SMARCA1: variants seen among roughly 807,000 people sequenced by gnomAD.
The protein encoded by SMARCA1 is SNF2 related chromatin remodeling ATPase 1, also known as SWI/SNF-related matrix-associated actin-dependent regulator of chromatin subfamily A member 1.
In SMARCA1, 17 loss-of-function variants were observed where a neutral mutation model predicts 93.6. The observed-to-expected ratio is 0.18, with a 90% confidence interval of 0.12 to 0.27. The LOEUF (loss-of-function observed/expected upper bound fraction) is 0.27, where lower values mean the gene tolerates loss of function less well. Ranked by LOEUF, SMARCA1 falls within the 10% of genes least tolerant of loss-of-function variation. The pLI, the probability that SMARCA1 is intolerant of heterozygous loss-of-function variation, is 1.00. For missense variants in SMARCA1, 630 were observed against 819.0 expected (o/e 0.77, Z 2.82); for synonymous variants, 271 against 271.4 (o/e 1.00, Z 0.01).
chrX:129,446,990 TAAAGCTACACATTTCAGGTAG>T lies in SMARCA1; in HGVS notation c.*151_*171del. 1 of 416,240 alleles carries T rather than the reference TAAAGCTACACATTTCAGGTAG, an allele frequency of 2.4e-6. No individual in the cohort carries two copies. 34.3% of individuals were successfully genotyped at this position (416,240 alleles called of 1,213,427 possible). On this transcript the variant is annotated 3_prime_UTR_variant, in exon 25 of 25. Coordinates refer to ENST00000371121, the MANE Select transcript of SMARCA1 (RefSeq NM_001282874.2). ...AAAAATACTAGAATGCCATAAAATA[TAAAGCTACACATTTCAGGTAG>T]AAAGCATTGTAAAATATATAAAATA... is the stretch of plus-strand genomic sequence containing the variant.
At chrX:129,519,198 C>T (rs1935306324) in intron 1 of SMARCA1, among the ~76,000 whole-genome samples, 1 of 111,416 alleles carries the variant, frequency 9.0e-6, no homozygotes, top group Non-Finnish European at 1.9e-5. Flanking sequence ...TAGAGATTAT[C>T]TGGGGAAGGG....
At chrX:129,462,535 A>G (rs1303578019) in intron 23 of SMARCA1, among the ~76,000 whole-genome samples, 1 of 112,006 alleles carries the variant, frequency 8.9e-6, no homozygotes, top group Admixed American at 9.5e-5. Flanking sequence ...TTTATACTCT[A>G]AATCCAGAAT....
intron 6 of SMARCA1, 47 bp from the exon 7 acceptor site, chrX:129,508,143 A>G (rs1934891855): frequency 1.3e-6 from 1 of 742,726 alleles, no homozygotes. Context: ...TTATATTAGA[A>G]TATGTTATAA....
chrX:129,520,636 A>T (rs1935355084), intron 1 of SMARCA1, among the ~76,000 whole-genome samples: 1 of 110,523 alleles, frequency 9.0e-6, no homozygotes, highest in Non-Finnish European at 1.9e-5. Flanking sequence ...GCAGAAACCA[A>T]GGACGAAAAT....
At chrX:129,516,853 A>G (rs780955295) in intron 2 of SMARCA1, among the ~76,000 whole-genome samples, 1 of 112,068 alleles carries the variant, frequency 8.9e-6, no homozygotes, top group African/African-American at 3.2e-5. Context: ...TTTCCAAAAC[A>G]TCATTTTATT....
chrX:129,481,856 TTGC>T (rs762203120), intron 17 of SMARCA1, among the ~76,000 whole-genome samples: 250 of 110,788 alleles, frequency 2.3e-3, no homozygotes, highest in African/African-American at 7.7e-3. Flanking sequence ...AATATAAATC[TTGC>T]TGCTATGAAG....
At chrX:129,511,756 G>A in intron 6 of SMARCA1, 48 bp downstream of exon 6, 1 of 1,013,165 alleles carries the variant, frequency 9.9e-7, no homozygotes, top group African/African-American at 1.9e-5. Flanking sequence ...CTAAACTCCA[G>A]AAATGATATT....
At chrX:129,454,481 A>T (rs1932491986) in intron 23 of SMARCA1, among the ~76,000 whole-genome samples, 1 of 112,095 alleles carries the variant, frequency 8.9e-6, no homozygotes, top group African/African-American at 3.2e-5. Flanking sequence ...ACAGCAAAAG[A>T]AACTATCATC....
intron 19 of SMARCA1, among the ~76,000 whole-genome samples, chrX:129,478,932 T>C (rs1209601335): frequency 9.0e-6 from 1 of 111,470 alleles, no homozygotes; most frequent in East Asian, 2.8e-4. Context: ...AACATCTGAA[T>C]ACTGAGAAAC....
intron 5 of SMARCA1, among the ~76,000 whole-genome samples, chrX:129,514,913 G>A (rs946793218): frequency 1.8e-5 from 2 of 110,849 alleles, no homozygotes; most frequent in Non-Finnish European, 3.8e-5. Context: ...AGCCGGACGT[G>A]GTGGCAGGCG....
At chrX:129,520,461 C>T (rs1423071729) in intron 1 of SMARCA1, among the ~76,000 whole-genome samples, 3 of 111,237 alleles carry the variant, frequency 2.7e-5, no homozygotes, top group Non-Finnish European at 3.8e-5. Context: ...TTCTCATCTA[C>T]TGTATTCATC....
At chrX:129,516,168 AT>A (rs2124346546) in intron 3 of SMARCA1, among the ~76,000 whole-genome samples, 162 bp downstream of exon 3, 1 of 112,450 alleles carries the variant, frequency 8.9e-6, no homozygotes, top group Admixed American at 9.4e-5. Flanking sequence ...TGAGAAAAAA[AT>A]ATAGTTGTCT....
At chrX:129,490,230 C>G (rs1934069243) in intron 14 of SMARCA1, 38 bp from the exon 15 acceptor site, 3 of 1,054,192 alleles carry the variant, frequency 2.8e-6, no homozygotes, top group Non-Finnish European at 3.8e-6. Context: ...ATTGGATATT[C>G]TGGATAAAAT....
intron 23 of SMARCA1, among the ~76,000 whole-genome samples, chrX:129,455,308 A>T (rs976020319): frequency 2.7e-5 from 3 of 111,095 alleles, no homozygotes; most frequent in African/African-American, 3.3e-5. Flanking sequence ...CTTTGCAGGG[A>T]CATAGATGAA....
intron 5 of SMARCA1, 65 bp from the exon 6 acceptor site, chrX:129,512,048 G>GTTGTTCCT: frequency 2.3e-6 from 2 of 880,221 alleles, no homozygotes; most frequent in Non-Finnish European, 3.2e-6. Context: ...ATTTTGTTAG[G>GTTGTTCCT]AACAACATAA....
At chrX:129,499,383 C>T (rs1934462815) in intron 10 of SMARCA1, among the ~76,000 whole-genome samples, 1 of 111,062 alleles carries the variant, frequency 9.0e-6, no homozygotes, top group East Asian at 2.8e-4. Flanking sequence ...AACAAGCATG[C>T]CACTGACATT....
chrX:129,463,735 C>T (rs1172489547), intron 23 of SMARCA1, among the ~76,000 whole-genome samples: 2 of 110,856 alleles, frequency 1.8e-5, no homozygotes, highest in East Asian at 2.8e-4. Context: ...ATCAGGAGTT[C>T]GAGACCAGCC....
intron 23 of SMARCA1, among the ~76,000 whole-genome samples, chrX:129,450,663 C>T (rs1037747553): frequency 2.7e-4 from 30 of 110,997 alleles, no homozygotes; most frequent in African/African-American, 7.5e-4. Context: ...TACACAGACA[C>T]GTATTATTAT....
chrX:129,481,595 T>C (rs1264418381), intron 17 of SMARCA1, among the ~76,000 whole-genome samples: 2 of 111,787 alleles, frequency 1.8e-5, no homozygotes, highest in Non-Finnish European at 3.8e-5. Context: ...TCATCATCAC[T>C]GGCCATCAGA....
Sources: allele counts gnomAD v4.1 joint callset (sites outside exome capture counted in the v4.1 genomes callset), GRCh38; gene constraint gnomAD v4.1.1; transcripts MANE v1.5; gene names NCBI Gene and HGNC (gene_info 2026-07-23, HGNC 2026-07-21).